NF2: variants seen among roughly 807,000 people sequenced by gnomAD.
The protein encoded by NF2 is NF2, moesin-ezrin-radixin like (MERLIN) tumor suppressor, also known as merlin.
NF2 carries 8 observed loss-of-function variants against 83.7 expected under a neutral mutation model. The observed-to-expected ratio is 0.10, with a 90% CI of 0.06 to 0.17. The LOEUF is 0.17. Among genes scored for constraint, NF2 ranks in the 10% least tolerant of loss-of-function variants. The pLI is 1.00. For missense variants in NF2, 533 were observed against 744.4 expected (o/e 0.72, Z 3.31); for synonymous variants, 266 against 269.6 (o/e 0.99, Z 0.13).
rs2067504807 is a variant in NF2 at position 29,694,884 on chromosome 22, C to A, written c.*82C>A. 9 of 1,441,222 alleles carry A rather than the reference C, an allele frequency of 6.2e-6. No individual in the cohort carries two copies. The South Asian group carries it at 1.1e-4, about 17-fold the overall frequency. 89.3% of individuals were successfully genotyped at this position (1,441,222 alleles called of 1,614,324 possible). A position where few individuals can be genotyped will look rare whatever the true frequency, so the allele number is the denominator to read the frequency against. ...TGGACCAGATATCAAGAGAGCCATCCATAGGGAGCTGGCTGGGGGTTTCCG... is the reference window on the plus strand; with the variant it reads ...TGGACCAGATATCAAGAGAGCCATCAATAGGGAGCTGGCTGGGGGTTTCCG... On this transcript the variant is annotated 3_prime_UTR_variant, in exon 16 of 16. Transcript: ENST00000338641. The surrounding 1 kb of genome is among the most constrained non-coding windows in gnomAD (Gnocchi z 4.1).
rs552778345 is a variant in NF2, at chr22:29,636,356, A to T, written c.115-395A>T. On this transcript the variant is annotated intron_variant, in intron 1 of 15. Transcript: ENST00000338641. This position sits in a 1 kb window ranked among gnomAD's most constrained non-coding sequence, Gnocchi z 4.4. ...TTATCAAAGGGCAAAGTAATGATTT[A>T]AAAAAAAAATCAACAACAAAATTTC... Among the ~76,000 whole-genome samples, 245 of 150,830 alleles carry T rather than the reference A, an allele frequency of 1.6e-3. 2 individuals carry two copies. The highest frequency in any genetic ancestry group is 6.8e-3 in the Middle Eastern group (2 of 294).
At chr22:29,611,958 A>G (rs1163555539) in intron 1 of NF2, among the ~76,000 whole-genome samples, 2 of 152,218 alleles carry the variant, frequency 1.3e-5, no homozygotes, top group Non-Finnish European at 2.9e-5. Flanking sequence ...TAGTAAAAGA[A>G]AGTATAAAAC....
At chr22:29,643,848 T>C (rs1455746770) in intron 4 of NF2, among the ~76,000 whole-genome samples, 27 of 141,430 alleles carry the variant, frequency 1.9e-4, no homozygotes, top group East Asian at 4.6e-4. Context: ...AGGGGCTCCT[T>C]ACTTCCCAGT....
intron 8 of NF2, among the ~76,000 whole-genome samples, chr22:29,662,670 G>A (rs1176880329): frequency 6.6e-6 from 1 of 152,232 alleles, no homozygotes; most frequent in Non-Finnish European, 1.5e-5. Context: ...AAAGGCAGGG[G>A]CTGTGTTGTC....
intron 12 of NF2, among the ~76,000 whole-genome samples, chr22:29,674,563 C>A (rs1430737637): frequency 6.6e-6 from 1 of 152,256 alleles, no homozygotes; most frequent in Non-Finnish European, 1.5e-5. Flanking sequence ...TCCTCTGTCT[C>A]CTGGCTGCAG....
At chr22:29,637,805 G>A (rs1417752653) in intron 2 of NF2, among the ~76,000 whole-genome samples, 2 of 152,000 alleles carry the variant, frequency 1.3e-5, no homozygotes, top group Non-Finnish European at 2.9e-5. Flanking sequence ...AAGTTCAATG[G>A]TAATTCCCAA....
chr22:29,692,005 A>T (rs2067418821), intron 15 of NF2, among the ~76,000 whole-genome samples: 1 of 151,988 alleles, frequency 6.6e-6, no homozygotes, highest in African/African-American at 2.4e-5. Context: ...GTAAATTCTG[A>T]CTCCGGGGCT....
chr22:29,690,446 A>G (rs1169382399), intron 15 of NF2, among the ~76,000 whole-genome samples: 12 of 152,082 alleles, frequency 7.9e-5, no homozygotes, highest in Admixed American at 7.9e-4. Context: ...GGCTGTCACA[A>G]ACAGCTGGCA....
chr22:29,630,066 G>A (rs1012993812), intron 1 of NF2, among the ~76,000 whole-genome samples: 1 of 152,164 alleles, frequency 6.6e-6, no homozygotes, highest in Non-Finnish European at 1.5e-5. Context: ...ATGACTGTAT[G>A]TCCCAAAGAA....
chr22:29,696,230 C>A lies in NF2; in HGVS notation c.*1428C>A, dbSNP rs936574425. The stretch of plus-strand genomic sequence containing the variant: ...CTGGGACTACAGGCATGCACCACCA[C>A]ACTTGGCCAATGTTCTGTATTTTTA... On this transcript the variant is annotated 3_prime_UTR_variant, in exon 16 of 16. Transcript: ENST00000338641. The A allele has an allele frequency of 2.7e-5, 6 of 218,248 alleles. No individual in the cohort carries two copies. In the Admixed American group the frequency reaches 2.9e-4, roughly 11 times the overall value. The allele number at this position is 218,248 out of a possible 1,614,324, so 13.5% of individuals were successfully genotyped here. A position where few individuals can be genotyped will look rare whatever the true frequency, so the allele number is the denominator to read the frequency against.
intron 1 of NF2, among the ~76,000 whole-genome samples, chr22:29,605,235 G>C (rs892438380): frequency 3.4e-5 from 5 of 146,926 alleles, no homozygotes; most frequent in African/African-American, 1.3e-4. Context: ...GCGCGATCTT[G>C]TCTCACTGCC....
intron 1 of NF2, among the ~76,000 whole-genome samples, chr22:29,613,485 C>T (rs1053339323): frequency 3.3e-5 from 5 of 152,054 alleles, no homozygotes; most frequent in African/African-American, 4.8e-5. Context: ...GAGTCGAGAT[C>T]GTGCTATTGC....
intron 1 of NF2, among the ~76,000 whole-genome samples, chr22:29,608,697 AAC>A (rs1401303139): frequency 2.0e-5 from 3 of 152,006 alleles, no homozygotes; most frequent in African/African-American, 7.2e-5. Context: ...AAAGATGTGA[AAC>A]ACATACAAAA....
chr22:29,667,578 C>T (rs1357512347), intron 9 of NF2, among the ~76,000 whole-genome samples: 3 of 151,750 alleles, frequency 2.0e-5, no homozygotes, highest in Middle Eastern at 3.2e-3. Context: ...GTGGAGATGG[C>T]GTCTCACTAT....
intron 15 of NF2, among the ~76,000 whole-genome samples, chr22:29,690,974 A>G (rs1295905613): frequency 6.6e-6 from 1 of 152,236 alleles, no homozygotes; most frequent in Non-Finnish European, 1.5e-5. Context: ...GTCACTGGTC[A>G]GGTTCACCAG....
In NF2 at chr22:29,603,783, C is replaced by A. The variant is rs1252486727; in HGVS notation, c.-216C>A. 3.6e-6 allele frequency: 2 copies of A among 555,782 alleles called. No homozygotes were observed. The highest frequency in any genetic ancestry group is 3.1e-5 in the East Asian group (1 of 32,508). The allele number at this position is 555,782 out of a possible 1,614,324, so 34.4% of individuals were successfully genotyped here. A position where few individuals can be genotyped will look rare whatever the true frequency, so the allele number is the denominator to read the frequency against. Reference sequence around the variant, plus strand: ...GGTCCCGGCTCCTGTGCCCTCCCTGCAGCCGTCAGGGCCCGTCCCCCAACT... The same window carrying A: ...GGTCCCGGCTCCTGTGCCCTCCCTGAAGCCGTCAGGGCCCGTCCCCCAACT... On this transcript the variant is annotated 5_prime_UTR_variant, in exon 1 of 16. Transcript: ENST00000338641.
In NF2 at chr22:29,673,367, G is replaced by A. The variant is rs2147082914; in HGVS notation, c.1221G>A (p.Gln407=). Residue 407 remains glutamine (Q), a synonymous_variant, in exon 12 of 16, where the codon CAG becomes CAA. Coordinates refer to ENST00000338641, the MANE Select transcript of NF2 (RefSeq NM_000268.4). ...LLAQKAAEAE[Q]EMQRIKATAI... is the part of the protein sequence containing the mutation. ...CCCAGAAGGCCGCAGAGGCTGAGCA[G>A]GAAATGCAGCGCATCAAGGCCACAG... 1 of 1,609,956 alleles carries A rather than the reference G, an allele frequency of 6.2e-7. No homozygotes were observed. Among genetic ancestry groups the A allele is most frequent in the Non-Finnish European group, 8.5e-7 (1 of 1,178,602 alleles).
intron 15 of NF2, among the ~76,000 whole-genome samples, chr22:29,693,690 C>T (rs932449929): frequency 6.6e-6 from 1 of 152,204 alleles, no homozygotes; most frequent in Admixed American, 6.5e-5. Flanking sequence ...GGGTGTGGAG[C>T]TCTTGCCTCT....
intron 15 of NF2, among the ~76,000 whole-genome samples, chr22:29,689,858 A>G (rs1254029712): frequency 6.6e-6 from 1 of 152,236 alleles, no homozygotes; most frequent in African/African-American, 2.4e-5. Context: ...TGAAAGTGTA[A>G]TTCATTCTTA....
Sources: allele counts gnomAD v4.1 joint callset (sites outside exome capture counted in the v4.1 genomes callset), GRCh38; gene constraint gnomAD v4.1.1; non-coding constraint Gnocchi (gnomAD v3.1); transcripts MANE v1.5; gene names NCBI Gene and HGNC (gene_info 2026-07-23, HGNC 2026-07-21).